The following SCEL variants were observed in gnomAD, a reference collection of about 807,000 sequenced individuals.
The protein encoded by SCEL is sciellin.
SCEL carries 113 observed loss-of-function variants against 117.6 expected under a neutral mutation model. The ratio of observed to expected loss-of-function variants is 0.96; its 90% confidence interval spans 0.83 to 1.12. The LOEUF (loss-of-function observed/expected upper bound fraction) is 1.12. Ranked by LOEUF, SCEL falls within the 50% of genes most tolerant of loss-of-function variation. The pLI is 0.00. For synonymous variants in SCEL, 270 were observed against 256.2 expected (o/e 1.05, Z -0.51); for missense variants, 785 against 810.8 (o/e 0.97, Z 0.39).
At chr13:77,548,363 C>G (rs559917913) in intron 1 of SCEL, among the ~76,000 whole-genome samples, 1 of 152,154 alleles carries the variant, frequency 6.6e-6, no homozygotes, top group Non-Finnish European at 1.5e-5. Flanking sequence ...GTCACCTGTT[C>G]AGGCATATTT....
At chr13:77,640,592 T>C (rs2090511115) in intron 30 of SCEL, 84 bp from the exon 31 acceptor site, 2 of 523,418 alleles carry the variant, frequency 3.8e-6, no homozygotes, top group East Asian at 3.2e-5. Context: ...AAAATTAATA[T>C]ACCGTTGCCA....
At chr13:77,547,237 T>C (rs1330483914) in intron 1 of SCEL, among the ~76,000 whole-genome samples, 1 of 152,124 alleles carries the variant, frequency 6.6e-6, no homozygotes, top group African/African-American at 2.4e-5. Context: ...AAAATGTGAG[T>C]AACATTTGTA....
At chr13:77,598,563 G>T (rs914615396) in intron 13 of SCEL, among the ~76,000 whole-genome samples, 2 of 152,198 alleles carry the variant, frequency 1.3e-5, no homozygotes. Context: ...GAGAGCAAAT[G>T]CCCTGTCTGA....
At chr13:77,580,463 C>T (rs923911422) in intron 9 of SCEL, among the ~76,000 whole-genome samples, 1 of 152,180 alleles carries the variant, frequency 6.6e-6, no homozygotes, top group African/African-American at 2.4e-5. Flanking sequence ...TCACAAGGAA[C>T]TAGAGAAATA....
intron 9 of SCEL, among the ~76,000 whole-genome samples, chr13:77,573,638 CATCTATCT>C (rs10565753): frequency 0.053 from 7,896 of 149,818 alleles, 259 homozygotes; most frequent in East Asian, 0.14. Context: ...TCTGTCATTA[CATCTATCT>C]ATCTATCTAT....
At position 77,559,901 on chromosome 13, in the gene SCEL, C is replaced by A. The variant is rs150057585; in HGVS notation, c.221+38C>A. ...ACATGTTACATCATGAGCAGAAACACAAAGATGGTAGTTTTCAGAGAAGAC... is the reference window on the plus strand; with the variant it reads ...ACATGTTACATCATGAGCAGAAACAAAAAGATGGTAGTTTTCAGAGAAGAC... On this transcript the variant is annotated intron_variant, in intron 4 of 32. Coordinates refer to ENST00000349847, the MANE Select transcript of SCEL (RefSeq NM_144777.3). 2,566 of 1,544,896 alleles carry A rather than the reference C, an allele frequency of 1.7e-3. 42 individuals are homozygous for A. The African/African-American group carries it at 0.03, about 18-fold the overall frequency.
At position 77,642,774 on chromosome 13, in the gene SCEL, A is replaced by G. The variant is rs1244625865; in HGVS notation, c.2016A>G (p.Thr672=). Reference sequence around the variant, plus strand: ...ATAGTATTTGGATTTATAGACAGACAATACACTGTGAACCTTGCTACTCTA... The same window carrying G: ...ATAGTATTTGGATTTATAGACAGACGATACACTGTGAACCTTGCTACTCTA... ...AGDSIWIYRQ[T]IHCEPCYSKI... Residue 672 remains threonine, a synonymous_variant, in exon 32 of 33, where the codon ACA becomes ACG. Coordinates refer to ENST00000349847, the MANE Select transcript of SCEL (RefSeq NM_144777.3). The G allele has an allele frequency of 5.6e-6, 9 of 1,606,072 alleles. No homozygotes were observed. Among genetic ancestry groups the G allele is most frequent in the Admixed American group, 1.7e-5 (1 of 58,634 alleles).
intron 8 of SCEL, 142 bp from the exon 9 acceptor site, chr13:77,571,982 C>A: frequency 1.5e-6 from 1 of 681,496 alleles, no homozygotes; most frequent in Admixed American, 2.2e-5. Flanking sequence ...TTACTTCCTA[C>A]TTCATTTATG....
intron 15 of SCEL, among the ~76,000 whole-genome samples, chr13:77,601,694 T>C: frequency 6.6e-6 from 1 of 152,196 alleles, no homozygotes; most frequent in Non-Finnish European, 1.5e-5. Flanking sequence ...GATCAATTGA[T>C]TTCTACCCCT....
chr13:77,631,319 G>T (rs1260183194), intron 28 of SCEL, among the ~76,000 whole-genome samples: 1 of 152,048 alleles, frequency 6.6e-6, no homozygotes, highest in African/African-American at 2.4e-5. Context: ...TACATTTTTT[G>T]TTGTAAAATC....
intron 28 of SCEL, 86 bp downstream of exon 28, chr13:77,628,095 A>T (rs1383762491): frequency 7.6e-6 from 2 of 263,704 alleles, no homozygotes; most frequent in Non-Finnish European, 1.4e-5. Context: ...TTATATATAT[A>T]AAATATAATA....
intron 9 of SCEL, among the ~76,000 whole-genome samples, chr13:77,583,749 A>G (rs529610890): frequency 6.6e-6 from 1 of 152,318 alleles, no homozygotes; most frequent in Admixed American, 6.5e-5. Context: ...ATTAGAGACA[A>G]TGATTCTGTG....
At chr13:77,552,791 A>T (rs897284986) in intron 1 of SCEL, among the ~76,000 whole-genome samples, 3 of 152,132 alleles carry the variant, frequency 2.0e-5, no homozygotes, top group African/African-American at 4.8e-5. Flanking sequence ...CTGAATGGTA[A>T]TGCCTAGGTT....
chr13:77,558,102 A>G (rs958637800), intron 3 of SCEL, among the ~76,000 whole-genome samples: 3 of 152,236 alleles, frequency 2.0e-5, no homozygotes, highest in African/African-American at 7.2e-5. Context: ...TGATAGTGTC[A>G]TGTGACATGT....
intron 11 of SCEL, among the ~76,000 whole-genome samples, chr13:77,592,791 C>CTGGCCTCAAGGGATCCTCCTTCCT (rs1369773064): frequency 1.3e-5 from 2 of 152,094 alleles, no homozygotes; most frequent in African/African-American, 4.8e-5. Context: ...TCTTAAACTT[C>CTGGCCTCAAGGGATCCTCCTTCCT]TGGCCTCAAG....
chr13:77,578,109 C>A (rs1444970263), intron 9 of SCEL, among the ~76,000 whole-genome samples: 1 of 152,168 alleles, frequency 6.6e-6, no homozygotes, highest in African/African-American at 2.4e-5. Flanking sequence ...AACATCAAAG[C>A]TGTCATGGAC....
At chr13:77,602,757 CAT>C in intron 17 of SCEL, 44 bp downstream of exon 17, 5 of 1,539,578 alleles carry the variant, frequency 3.2e-6, no homozygotes, top group Non-Finnish European at 4.5e-6. Flanking sequence ...TATTTTCTCT[CAT>C]ATTAATTATG....
At chr13:77,563,685 G>A (rs954000030) in intron 4 of SCEL, 146 bp from the exon 5 acceptor site, 13 of 550,734 alleles carry the variant, frequency 2.4e-5, no homozygotes, top group Non-Finnish European at 3.7e-5. Flanking sequence ...GGAAGATTTG[G>A]GTATTAGAAA....
At chr13:77,570,606 A>G (rs977001700) in intron 8 of SCEL, among the ~76,000 whole-genome samples, 1 of 152,180 alleles carries the variant, frequency 6.6e-6, no homozygotes, top group Non-Finnish European at 1.5e-5. Context: ...ACCTACTTAA[A>G]CAATTTAAAT....
Sources: allele counts gnomAD v4.1 joint callset (sites outside exome capture counted in the v4.1 genomes callset), GRCh38; gene constraint gnomAD v4.1.1; transcripts MANE v1.5; gene names NCBI Gene and HGNC (gene_info 2026-07-23, HGNC 2026-07-21).